WDPCP: variants seen among roughly 807,000 people sequenced by gnomAD.
WDPCP encodes the protein WD repeat containing planar cell polarity effector, also known as WD repeat-containing and planar cell polarity effector protein fritz homolog.
Under a neutral mutation model 93.1 loss-of-function variants are expected in WDPCP, and 71 were observed. The observed-to-expected ratio is 0.76, with a 90% confidence interval of 0.63 to 0.93. WDPCP has a LOEUF of 0.93. Ranked by LOEUF, WDPCP falls within the 40% of genes least tolerant of loss-of-function variation. The pLI is 0.00. For synonymous variants in WDPCP, 315 were observed against 315.0 expected, an observed-to-expected ratio of 1.00 and a Z score of 0.00; for missense variants, 844 against 887.4, an observed-to-expected ratio of 0.95 and a Z score of 0.62.
intron 12 of WDPCP, among the ~76,000 whole-genome samples, chr2:63,346,299 G>C: frequency 6.6e-6 from 1 of 152,160 alleles, no homozygotes; most frequent in East Asian, 1.9e-4. Flanking sequence ...GAGATGCAGT[G>C]ACAGTGGGTT....
chr2:63,465,957 T>G (rs937767430), intron 6 of WDPCP, among the ~76,000 whole-genome samples: 1 of 152,198 alleles, frequency 6.6e-6, no homozygotes, highest in Non-Finnish European at 1.5e-5. Context: ...AAAAATATCC[T>G]GCAGCATGCC....
chr2:63,488,475 T>C (rs923459644), intron 2 of WDPCP, among the ~76,000 whole-genome samples: 3 of 152,122 alleles, frequency 2.0e-5, no homozygotes, highest in African/African-American at 7.2e-5. Context: ...AGGCATACAA[T>C]TTTAAAGAAT....
chr2:63,814,044 A>T (rs1308125295), intron 1 of WDPCP, among the ~76,000 whole-genome samples: 1 of 152,250 alleles, frequency 6.6e-6, no homozygotes, highest in Non-Finnish European at 1.5e-5. Flanking sequence ...AAGAAAATAT[A>T]AATTTGATAG....
At chr2:63,585,206 A>G (rs899319688) in intron 1 of WDPCP, among the ~76,000 whole-genome samples, 1 of 152,216 alleles carries the variant, frequency 6.6e-6, no homozygotes, top group East Asian at 1.9e-4. Flanking sequence ...TATTTTTGCC[A>G]TAACTAAATT....
intron 13 of WDPCP, among the ~76,000 whole-genome samples, chr2:63,304,413 T>C (rs1490475813): frequency 6.6e-6 from 1 of 152,142 alleles, no homozygotes; most frequent in Non-Finnish European, 1.5e-5. Flanking sequence ...GGTTAGATGG[T>C]GGGTGCAGCC....
intron 3 of WDPCP, among the ~76,000 whole-genome samples, chr2:63,636,770 A>G (rs1247233305): frequency 6.6e-6 from 1 of 152,174 alleles, no homozygotes; most frequent in African/African-American, 2.4e-5. Flanking sequence ...ATAAACCCAC[A>G]CATGTACAGT....
At chr2:63,237,259 C>G (rs1271006602) in intron 14 of WDPCP, among the ~76,000 whole-genome samples, 1 of 151,968 alleles carries the variant, frequency 6.6e-6, no homozygotes, top group Non-Finnish European at 1.5e-5. Flanking sequence ...CAGAGGAATG[C>G]AAATCAAAAC....
intron 17 of WDPCP, among the ~76,000 whole-genome samples, chr2:63,125,921 T>A (rs1347705470): frequency 6.6e-6 from 1 of 150,834 alleles, no homozygotes; most frequent in Non-Finnish European, 1.5e-5. Context: ...GCTTTTCAGT[T>A]TTTTTTTACA....
At chr2:63,129,396 C>T (rs1241625802) in intron 17 of WDPCP, among the ~76,000 whole-genome samples, 3 of 152,232 alleles carry the variant, frequency 2.0e-5, no homozygotes, top group Admixed American at 6.5e-5. Context: ...TTCCCACTGG[C>T]AATGTACAAT....
chr2:63,774,453 C>G (rs1372937562), intron 2 of WDPCP, among the ~76,000 whole-genome samples: 3 of 152,152 alleles, frequency 2.0e-5, no homozygotes, highest in Admixed American at 2.0e-4. Flanking sequence ...GAAATCTCAA[C>G]TCTTCCCAAG....
At chr2:63,496,125 C>G (rs967836026) in intron 1 of WDPCP, among the ~76,000 whole-genome samples, 12 of 152,138 alleles carry the variant, frequency 7.9e-5, no homozygotes, top group Non-Finnish European at 5.9e-5. Context: ...TTATGACAAT[C>G]TGCATAAGAC....
chr2:63,827,325 CTT>C (rs1490200831), intron 1 of WDPCP, among the ~76,000 whole-genome samples: 2 of 151,956 alleles, frequency 1.3e-5, no homozygotes, highest in East Asian at 1.9e-4. Flanking sequence ...TTTCTTTTCT[CTT>C]TGTTTTTCTT....
chr2:63,331,015 G>A (rs1381596332), intron 12 of WDPCP, among the ~76,000 whole-genome samples: 3 of 151,840 alleles, frequency 2.0e-5, no homozygotes, highest in East Asian at 1.9e-4. Context: ...GACTACAGAT[G>A]TGCACACCCA....
intron 1 of WDPCP, among the ~76,000 whole-genome samples, chr2:63,573,581 G>A (rs183793067): frequency 1.3e-5 from 2 of 152,238 alleles, no homozygotes; most frequent in African/African-American, 2.4e-5. Flanking sequence ...GAGGATGTAT[G>A]CCGCCTCAGG....
chr2:63,590,815 C>G (rs896010981), upstream of WDPCP: 12 of 152,146 alleles, frequency 7.9e-5, no homozygotes, highest in African/African-American at 2.7e-4. Flanking sequence ...CAAACTCACA[C>G]ATGACTCAAT....
intron 17 of WDPCP, among the ~76,000 whole-genome samples, chr2:63,151,153 T>A (rs992979345): frequency 6.6e-6 from 1 of 152,214 alleles, no homozygotes; most frequent in Non-Finnish European, 1.5e-5. Flanking sequence ...AGTTTCTTGA[T>A]TGAATTTCAT....
chr2:63,487,462 T>G lies in WDPCP; in HGVS notation c.193A>C (p.Lys65Gln). ...GGTACTTTACCTGGTGGATCTTTCT[T>G]GTCATAATACTGGTAGATCCCAATG... Reference protein sequence around the residue: ...RDIGIYQYYDKKDPPATEHGN... With the variant: ...RDIGIYQYYDQKDPPATEHGN... Residue 65 changes from lysine (K) to glutamine (Q), a missense_variant, in exon 3 of 18, where the codon AAG (lysine) becomes CAG (glutamine). Lys to Gln is a moderately conservative substitution (Grantham distance 53). Coordinates refer to ENST00000272321, the MANE Select transcript of WDPCP (RefSeq NM_015910.7). 6.3e-7 allele frequency: 1 copy of G among 1,593,180 alleles called. No individual in the cohort carries two copies. The highest frequency in any genetic ancestry group is 8.6e-7 in the Non-Finnish European group (1 of 1,162,460).
intron 3 of WDPCP, among the ~76,000 whole-genome samples, chr2:63,607,884 A>C (rs1709570343): frequency 6.6e-6 from 1 of 152,088 alleles, no homozygotes; most frequent in South Asian, 2.1e-4. Flanking sequence ...AGGTTGCCTA[A>C]ATAATTTTGA....
chr2:63,532,143 G>A (rs777934140), intron 1 of WDPCP, among the ~76,000 whole-genome samples: 27 of 152,126 alleles, frequency 1.8e-4, no homozygotes, highest in Admixed American at 1.6e-3. Flanking sequence ...GAAATGAAGC[G>A]AGAAGAGAAG....
Sources: allele counts gnomAD v4.1 joint callset (sites outside exome capture counted in the v4.1 genomes callset), GRCh38; gene constraint gnomAD v4.1.1; transcripts MANE v1.5; gene names NCBI Gene and HGNC (gene_info 2026-07-23, HGNC 2026-07-21).